The following GSAP variants were observed in gnomAD, a reference collection of about 807,000 sequenced individuals.
GSAP encodes the protein gamma-secretase-activating protein.
Under a neutral mutation model 131.7 loss-of-function variants are expected in GSAP, and 118 were observed. That is an observed-to-expected ratio of 0.90 (90% CI 0.77 to 1.04). GSAP has a LOEUF of 1.04. GSAP is among the 50% of genes least tolerant of loss of function. GSAP has a pLI of 0.00. For synonymous variants in GSAP, 381 were observed against 363.4 expected (o/e 1.05, Z -0.55); for missense variants, 1,019 against 1,013.2 (o/e 1.01, Z -0.08).
Position 77,330,285 on chromosome 7 carries a change from T to C in GSAP, c.1628A>G (p.Asn543Ser). 3 of 1,613,726 alleles carry C rather than the reference T, an allele frequency of 1.9e-6. No individual in the cohort carries two copies. Among genetic ancestry groups the C allele is most frequent in the Non-Finnish European group, 2.5e-6 (3 of 1,179,680 alleles). ...VKYAKPHFHY[N>S]NSVVRREWHN... Reference sequence around the variant, plus strand: ...CCACTCTCTCCTGACCACACTGTTGTTATAGTGGAAGTGTGGCTTGGCGTA... The same window carrying C: ...CCACTCTCTCCTGACCACACTGTTGCTATAGTGGAAGTGTGGCTTGGCGTA... Residue 543 changes from asparagine to serine, a missense_variant, in exon 20 of 31, where the codon AAC (asparagine) becomes AGC (serine). Asn to Ser is a conservative substitution (Grantham distance 46, BLOSUM62 1). Coordinates refer to ENST00000257626, the MANE Select transcript of GSAP (RefSeq NM_017439.4).
intron 19 of GSAP, among the ~76,000 whole-genome samples, chr7:77,344,717 A>G (rs1584384444): frequency 6.6e-6 from 1 of 152,262 alleles, no homozygotes; most frequent in East Asian, 1.9e-4. Context: ...GTACACTCCA[A>G]TACTTTCACC....
intron 16 of GSAP, among the ~76,000 whole-genome samples, chr7:77,354,871 A>G (rs1235642680): frequency 2.0e-5 from 3 of 152,232 alleles, no homozygotes; most frequent in Non-Finnish European, 4.4e-5. Flanking sequence ...ACCAGATTTT[A>G]GTCCTTTTGA....
intron 1 of GSAP, chr7:77,415,987 T>G (rs1804354054): frequency 2.4e-6 from 1 of 416,456 alleles, no homozygotes; most frequent in African/African-American, 2.1e-5. Context: ...GCCAGGCGCC[T>G]CAGGCCCCAC....
At chr7:77,372,088 A>G (rs1796210333) in intron 12 of GSAP, among the ~76,000 whole-genome samples, 1 of 152,242 alleles carries the variant, frequency 6.6e-6, no homozygotes, top group Non-Finnish European at 1.5e-5. Context: ...TGCTTAACTT[A>G]TGTCTAACTG....
rs1208814735 is a variant in GSAP, at chr7:77,397,670, G to A, written c.244-255C>T. On this transcript the variant is annotated intron_variant, in intron 3 of 30. Coordinates refer to ENST00000257626, the MANE Select transcript of GSAP (RefSeq NM_017439.4). ...ATAGTGGTTAACAGCATAGACATTGGAGCCCAGCTAGATCCAGGTTCAAAC... is the reference window on the plus strand; with the variant it reads ...ATAGTGGTTAACAGCATAGACATTGAAGCCCAGCTAGATCCAGGTTCAAAC... Among the ~76,000 whole-genome samples, 4 of 152,162 alleles carry A rather than the reference G, an allele frequency of 2.6e-5. No individual in the cohort carries two copies. The South Asian group carries it at 6.2e-4, about 24-fold the overall frequency.
At chr7:77,405,189 G>C (rs1363228011) in intron 2 of GSAP, among the ~76,000 whole-genome samples, 1 of 152,200 alleles carries the variant, frequency 6.6e-6, no homozygotes, top group African/African-American at 2.4e-5. Context: ...CTACTGGGGA[G>C]GTTGAGGCAG....
At chr7:77,360,026 T>G (rs1296028119) in intron 14 of GSAP, among the ~76,000 whole-genome samples, 1 of 152,194 alleles carries the variant, frequency 6.6e-6, no homozygotes, top group African/African-American at 2.4e-5. Flanking sequence ...ATCAATGGTA[T>G]CATTCAAAAT....
At chr7:77,334,219 T>C (rs575410678) in intron 19 of GSAP, among the ~76,000 whole-genome samples, 1 of 152,252 alleles carries the variant, frequency 6.6e-6, no homozygotes, top group African/African-American at 2.4e-5. Context: ...GTGGTACATA[T>C]ACACCGTGGA....
intron 1 of GSAP, among the ~76,000 whole-genome samples, chr7:77,415,091 TG>T (rs1016185166): frequency 1.1e-4 from 17 of 152,296 alleles, no homozygotes; most frequent in African/African-American, 4.1e-4. Context: ...TTACTAAGCA[TG>T]ACACTAATGC....
At chr7:77,349,482 T>C (rs1352734417) in intron 18 of GSAP, 78 bp from the exon 19 acceptor site, 3 of 1,251,606 alleles carry the variant, frequency 2.4e-6, no homozygotes, top group African/African-American at 2.9e-5. Context: ...GGGAGTGTTT[T>C]CTGCACAGAC....
At chr7:77,384,361 G>T (rs557127964) in intron 6 of GSAP, among the ~76,000 whole-genome samples, 2 of 152,316 alleles carry the variant, frequency 1.3e-5, no homozygotes, top group East Asian at 3.9e-4. Context: ...GTTCAGGTAG[G>T]TGTTGTTTTT....
intron 20 of GSAP, 144 bp downstream of exon 20, chr7:77,330,095 T>G: frequency 4.3e-4 from 410 of 949,416 alleles, no homozygotes; most frequent in Non-Finnish European, 5.3e-4. Context: ...CTCTGCCCAT[T>G]GAGATCAGTA....
intron 19 of GSAP, among the ~76,000 whole-genome samples, chr7:77,338,005 AC>A (rs906145441): frequency 6.6e-6 from 1 of 151,944 alleles, no homozygotes; most frequent in Non-Finnish European, 1.5e-5. Context: ...AAACAAACAA[AC>A]AAACAAAAAT....
At chr7:77,411,816 G>A (rs1032982220) in intron 1 of GSAP, among the ~76,000 whole-genome samples, 8 of 152,266 alleles carry the variant, frequency 5.3e-5, no homozygotes, top group East Asian at 1.9e-4. Flanking sequence ...TAAGACACTC[G>A]TGAAGAATAC....
At chr7:77,368,186 G>A (rs911961961) in intron 12 of GSAP, among the ~76,000 whole-genome samples, 3 of 152,092 alleles carry the variant, frequency 2.0e-5, no homozygotes, top group African/African-American at 7.2e-5. Flanking sequence ...ACTCCTAGGT[G>A]GGCTGTCATC....
intron 2 of GSAP, among the ~76,000 whole-genome samples, chr7:77,404,931 G>A (rs1395131308): frequency 1.3e-5 from 2 of 152,106 alleles, no homozygotes; most frequent in African/African-American, 4.8e-5. Context: ...GGGATGACTA[G>A]GACAAGTCCG....
At chr7:77,407,698 AT>A (rs1217216445) in intron 1 of GSAP, among the ~76,000 whole-genome samples, 1 of 152,268 alleles carries the variant, frequency 6.6e-6, no homozygotes, top group Non-Finnish European at 1.5e-5. Flanking sequence ...TAATGGGAGT[AT>A]AAATTGGAAA....
intron 19 of GSAP, among the ~76,000 whole-genome samples, chr7:77,340,510 T>C (rs994853459): frequency 6.6e-6 from 1 of 152,176 alleles, no homozygotes; most frequent in African/African-American, 2.4e-5. Context: ...CAATTTCAAA[T>C]CGGGTAGGCA....
chr7:77,404,679 T>C, intron 2 of GSAP, 64 bp from the exon 3 acceptor site: 3 of 933,890 alleles, frequency 3.2e-6, no homozygotes, highest in Non-Finnish European at 3.5e-6. Flanking sequence ...TGTTACTAGT[T>C]TTAAAACCAA....
Sources: allele counts gnomAD v4.1 joint callset (sites outside exome capture counted in the v4.1 genomes callset), GRCh38; gene constraint gnomAD v4.1.1; transcripts MANE v1.5; gene names NCBI Gene and HGNC (gene_info 2026-07-23, HGNC 2026-07-21).